MEIKIN: variants seen among roughly 807,000 people sequenced by gnomAD.
The protein encoded by MEIKIN is meiotic kinetochore factor.
At chr5:131,872,669 G>C (rs1580883060) in intron 9 of MEIKIN, among the ~76,000 whole-genome samples, 1 of 152,264 alleles carries the variant, frequency 6.6e-6, no homozygotes, top group East Asian at 1.9e-4. Context: ...TACTCCTCGA[G>C]AAGAGCAACT....
At chr5:131,934,275 A>T (rs1472822013) in intron 4 of MEIKIN, among the ~76,000 whole-genome samples, 2 of 152,076 alleles carry the variant, frequency 1.3e-5, no homozygotes, top group African/African-American at 4.8e-5. Flanking sequence ...TTTAAGTTTT[A>T]TATATAAGTA....
At chr5:131,904,547 CCCA>C (rs1487261728) in intron 8 of MEIKIN, among the ~76,000 whole-genome samples, 1 of 152,172 alleles carries the variant, frequency 6.6e-6, no homozygotes. Flanking sequence ...AATTTACACT[CCCA>C]CCAATAGTGT....
chr5:131,921,529 T>C (rs945490000), intron 6 of MEIKIN, among the ~76,000 whole-genome samples: 12 of 151,984 alleles, frequency 7.9e-5, no homozygotes, highest in African/African-American at 2.9e-4. Flanking sequence ...TGGTGGCACG[T>C]GCCTGTAACC....
intron 9 of MEIKIN, 60 bp from the exon 10 acceptor site, chr5:131,854,894 T>C (rs544687468): frequency 1.0e-5 from 4 of 394,506 alleles, no homozygotes; most frequent in South Asian, 1.3e-4. Flanking sequence ...TATTTTAGTA[T>C]AGTAAAACTA....
At chr5:131,889,045 G>A (rs1013603121) in intron 8 of MEIKIN, among the ~76,000 whole-genome samples, 6 of 152,060 alleles carry the variant, frequency 3.9e-5, no homozygotes, top group South Asian at 2.1e-4. Flanking sequence ...ATTTCTGAGG[G>A]CTCTGTTCTG....
chr5:131,866,009 G>A (rs548128617), intron 9 of MEIKIN, among the ~76,000 whole-genome samples: 60 of 152,196 alleles, frequency 3.9e-4, no homozygotes, highest in Non-Finnish European at 7.3e-4. Context: ...CCAATTCTTG[G>A]GCCTCTAGGT....
chr5:131,842,077 G>A (rs527847238), intron 11 of MEIKIN, among the ~76,000 whole-genome samples: 3 of 151,758 alleles, frequency 2.0e-5, no homozygotes, highest in East Asian at 3.9e-4. Flanking sequence ...TTGGCTCACT[G>A]CAACCTCCAC....
Position 131,945,432 on chromosome 5 carries a change from A to C in MEIKIN, c.74T>G (p.Leu25Arg), listed in dbSNP as rs1751948050. ...GGCCTCGGCCTTCGCTGGAGAGCCTAGGTCTGGCGTCGGGGTGAGATTGAG... is the reference window on the plus strand; with the variant it reads ...GGCCTCGGCCTTCGCTGGAGAGCCTCGGTCTGGCGTCGGGGTGAGATTGAG... ...QRLNLTPTPD[L>R]GSPAKAEAPP... is the part of the protein sequence containing the mutation. Residue 25 changes from leucine to arginine, a missense_variant, in exon 1 of 13, where the codon CTA (leucine) becomes CGA (arginine). Leu to Arg is a moderately radical substitution (Grantham distance 102). Transcript: ENST00000442687. The C allele has an allele frequency of 2.5e-6, 1 of 399,174 alleles. No homozygotes were observed. Among genetic ancestry groups the C allele is most frequent in the Non-Finnish European group, 4.4e-6 (1 of 226,214 alleles). The allele number at this position is 399,174 out of a possible 1,614,324, so 24.7% of individuals were successfully genotyped here.
At chr5:131,933,460 C>CAAAAGAAT in intron 5 of MEIKIN, 53 bp downstream of exon 5, 1 of 394,526 alleles carries the variant, frequency 2.5e-6, no homozygotes, top group Non-Finnish European at 4.5e-6. Flanking sequence ...GATTTGTGGA[C>CAAAAGAAT]AAAAGAATAA....
At chr5:131,882,849 T>C (rs1044281474) in intron 8 of MEIKIN, among the ~76,000 whole-genome samples, 2 of 152,130 alleles carry the variant, frequency 1.3e-5, no homozygotes, top group African/African-American at 2.4e-5. Context: ...TCACTTATTG[T>C]TCCCATTGCC....
intron 8 of MEIKIN, among the ~76,000 whole-genome samples, chr5:131,888,997 G>A (rs964578483): frequency 6.6e-6 from 1 of 152,162 alleles, no homozygotes; most frequent in African/African-American, 2.4e-5. Context: ...TTTATGTCAG[G>A]TTTGTCAAAC....
At chr5:131,876,389 G>A (rs553703366) in intron 9 of MEIKIN, among the ~76,000 whole-genome samples, 86 of 151,348 alleles carry the variant, frequency 5.7e-4, no homozygotes, top group Non-Finnish European at 1.0e-3. Context: ...ACGGACACAT[G>A]AAAAAATGCT....
At chr5:131,809,278 T>C (rs970931340) in intron 12 of MEIKIN, among the ~76,000 whole-genome samples, 2 of 152,156 alleles carry the variant, frequency 1.3e-5, no homozygotes, top group Non-Finnish European at 1.5e-5. Context: ...TCTATAACCA[T>C]ATGACACTAA....
chr5:131,857,811 T>G (rs901824044), intron 9 of MEIKIN, among the ~76,000 whole-genome samples: 3 of 152,190 alleles, frequency 2.0e-5, no homozygotes, highest in Admixed American at 2.0e-4. Flanking sequence ...CTGGCATGTG[T>G]GTGTACATGC....
chr5:131,893,383 T>C (rs2149635388), intron 8 of MEIKIN, among the ~76,000 whole-genome samples: 1 of 152,362 alleles, frequency 6.6e-6, no homozygotes, highest in African/African-American at 2.4e-5. Context: ...CGTAGGACCC[T>C]CTGAGCCATG....
At chr5:131,844,006 A>T (rs982945748) in intron 11 of MEIKIN, among the ~76,000 whole-genome samples, 1 of 152,186 alleles carries the variant, frequency 6.6e-6, no homozygotes, top group African/African-American at 2.4e-5. Context: ...ATGGCTGGGG[A>T]GGCCTCAGGA....
chr5:131,900,263 G>A (rs1462435300), intron 8 of MEIKIN, among the ~76,000 whole-genome samples: 1 of 152,226 alleles, frequency 6.6e-6, no homozygotes, highest in African/African-American at 2.4e-5. Context: ...GAAGACTGGT[G>A]AATTCCTAGC....
chr5:131,846,781 A>G (rs949654839), intron 11 of MEIKIN, among the ~76,000 whole-genome samples: 1 of 152,192 alleles, frequency 6.6e-6, no homozygotes, highest in African/African-American at 2.4e-5. Context: ...TGATCATGCC[A>G]CTACACTCAG....
intron 9 of MEIKIN, among the ~76,000 whole-genome samples, chr5:131,877,088 G>T (rs1348070769): frequency 6.6e-6 from 1 of 151,802 alleles, no homozygotes; most frequent in Non-Finnish European, 1.5e-5. Flanking sequence ...CCTGGCACAT[G>T]TATACATATG....
Sources: gnomAD v4.1 joint callset for allele counts (sites outside exome capture counted in the v4.1 genomes callset) on GRCh38, gnomAD v4.1.1 for gene constraint, MANE v1.5 for transcripts, NCBI Gene and HGNC (gene_info 2026-07-23, HGNC 2026-07-21) for gene names.